The following HOXA7 variants were observed in gnomAD, a reference collection of about 807,000 sequenced individuals.
HOXA7 encodes the protein homeobox A7.
A neutral mutation model predicts 16.8 loss-of-function variants in HOXA7; 16 were observed. The observed-to-expected ratio is 0.95, with a 90% CI of 0.64 to 1.44. The LOEUF (loss-of-function observed/expected upper bound fraction) is 1.44, where lower values mean the gene tolerates loss of function less well. Among genes scored for constraint, HOXA7 ranks in the 40% most tolerant of loss-of-function variants. HOXA7 has a pLI of 0.00. For synonymous variants in HOXA7, 169 were observed against 144.3 expected (o/e 1.17, Z -1.23); for missense variants, 379 against 328.6 (o/e 1.15, Z -1.19).
Position 27,155,057 on chromosome 7 carries a change from C to G in HOXA7, c.545G>C (p.Arg182Pro). 6.2e-7 allele frequency: 1 copy of G among 1,614,224 alleles called. No homozygotes were observed. The highest frequency in any genetic ancestry group is 8.5e-7 in the Non-Finnish European group (1 of 1,180,032). ...CTTATGCTCTTTCTTCCACTTCATG[C>G]GGCGGTTCTGGAACCAGATCTTAAT... ...RQIKIWFQNR[R>P]MKWKKEHKDE... is the part of the protein sequence containing the mutation. Residue 182 changes from arginine to proline, a missense_variant, in exon 2 of 2, where the codon CGC becomes CCC. Physicochemically the swap from Arg to Pro is moderately radical, Grantham distance 103. Coordinates refer to ENST00000242159, the MANE Select transcript of HOXA7 (RefSeq NM_006896.4).
At chr7:27,156,024 G>T (rs539512953) in intron 1 of HOXA7, 143 bp downstream of exon 1, 17 of 958,482 alleles carry the variant, frequency 1.8e-5, no homozygotes, top group African/African-American at 3.5e-5. Flanking sequence ...GAAAGGCTGC[G>T]CCGGGAGTCA....
Position 27,153,879 on chromosome 7 carries a change from TAACTC to T in HOXA7, c.*1025_*1029del, listed in dbSNP as rs1370465609. 29 of 152,832 alleles carry T rather than the reference TAACTC, an allele frequency of 1.9e-4. No homozygotes were observed. The highest frequency in any genetic ancestry group is 6.0e-4 in the African/African-American group (25 of 41,558). 9.5% of individuals were successfully genotyped at this position (152,832 alleles called of 1,614,324 possible). On this transcript the variant is annotated 3_prime_UTR_variant, in exon 2 of 2. Coordinates refer to ENST00000242159, the MANE Select transcript of HOXA7 (RefSeq NM_006896.4). ...ATTGGACCTCCCCACCCACTACAGT[TAACTC>T]AAGACAACATACCATGCTACAAAGT...
chr7:27,155,382 G>A (rs1783088716), intron 1 of HOXA7, 160 bp from the exon 2 acceptor site: 1 of 680,764 alleles, frequency 1.5e-6, no homozygotes, highest in Admixed American at 2.8e-5. Flanking sequence ...AGGAGGGGGA[G>A]TGTTAGGGAA....
At chr7:27,155,523 C>G (rs1279275064) in intron 1 of HOXA7, 5 of 450,858 alleles carry the variant, frequency 1.1e-5, no homozygotes, top group Non-Finnish European at 1.6e-5. Flanking sequence ...CAAAGGAAAA[C>G]TGTAAATATA....
rs753980676 is a variant in HOXA7 at position 27,155,138 on chromosome 7, A to G, written c.464T>C (p.Leu155Pro). 1.2e-6 allele frequency: 2 copies of G among 1,614,254 alleles called. No homozygotes were observed. The highest frequency in any genetic ancestry group is 1.7e-6 in the Non-Finnish European group (2 of 1,180,048). The stretch of plus-strand genomic sequence containing the variant: ...GATTTCAATGCGGCGGCGCCGCGTC[A>G]GGTAGCGGTTGAAGTGGAACTCCTT... ...LEKEFHFNRY[L>P]TRRRRIEIAH... The change falls in exon 2 of 2, where the codon CTG becomes CCG. Residue 155 changes from leucine (L) to proline (P), a missense_variant. Physicochemically the swap from Leu to Pro is moderately conservative, Grantham distance 98. Coordinates refer to ENST00000242159, the MANE Select transcript of HOXA7 (RefSeq NM_006896.4).
chr7:27,156,473 C>G lies in HOXA7; in HGVS notation c.73G>C (p.Glu25Gln), dbSNP rs1284749326. ...TAGASLFQNA[E>Q]PTSCSFAPNS... Reference sequence around the variant, plus strand: ...GGAGCAAAGGAGCAAGAAGTCGGCTCGGCATTTTGGAACAGAGAAGCCCCC... The same window carrying G: ...GGAGCAAAGGAGCAAGAAGTCGGCTGGGCATTTTGGAACAGAGAAGCCCCC... The change falls in exon 1 of 2, where the codon GAG becomes CAG. Residue 25 changes from glutamate (E) to glutamine (Q), a missense_variant. Physicochemically the swap from Glu to Gln is conservative, Grantham distance 29. Transcript: ENST00000242159. 7 of 1,611,692 alleles carry G rather than the reference C, an allele frequency of 4.3e-6. No individual in the cohort carries two copies. The highest frequency in any genetic ancestry group is 5.9e-6 in the Non-Finnish European group (7 of 1,178,486).
chr7:27,154,765 G>A lies in HOXA7; in HGVS notation c.*144C>T, dbSNP rs1783072191. ...AGGTGATGGGGGTGGGTAGAGTGCA[G>A]GTTGGGGACTGGGTTGCTTTTTTGT... On this transcript the variant is annotated 3_prime_UTR_variant, in exon 2 of 2. Transcript: ENST00000242159. 4.0e-6 allele frequency: 5 copies of A among 1,235,746 alleles called. No homozygotes were observed. Among genetic ancestry groups the A allele is most frequent in the Non-Finnish European group, 5.4e-6 (5 of 918,926 alleles). The allele number at this position is 1,235,746 out of a possible 1,614,324, so 76.5% of individuals were successfully genotyped here. A position where few individuals can be genotyped will look rare whatever the true frequency, so the allele number is the denominator to read the frequency against.
intron 1 of HOXA7, 71 bp downstream of exon 1, chr7:27,156,096 G>T: frequency 7.3e-7 from 1 of 1,372,212 alleles, no homozygotes; most frequent in Non-Finnish European, 9.4e-7. Flanking sequence ...CGCGCTCCGC[G>T]CTCCCCAGCG....
intron 1 of HOXA7, 114 bp downstream of exon 1, chr7:27,156,053 A>C (rs1783100170): frequency 7.9e-7 from 1 of 1,272,502 alleles, no homozygotes; most frequent in African/African-American, 1.6e-5. Flanking sequence ...CCGGCTCGCA[A>C]CAGCCTGGCT....
chr7:27,156,566 T>A lies in HOXA7; in HGVS notation c.-21A>T, dbSNP rs1411732278. The A allele has an allele frequency of 6.5e-7, 1 of 1,548,368 alleles. No homozygotes were observed. The highest frequency in any genetic ancestry group is 8.7e-7 in the Non-Finnish European group (1 of 1,144,806). On this transcript the variant is annotated 5_prime_UTR_variant, in exon 1 of 2. Coordinates refer to ENST00000242159, the MANE Select transcript of HOXA7 (RefSeq NM_006896.4). ...CTCATAATTTTGACCTGTGATTTGT[T>A]GTCCGGCAGCTTTCAGTGTCGGTTT...
rs1337197232 is a variant in HOXA7, at chr7:27,156,262, T to G, written c.284A>C (p.Asp95Ala). The G allele has an allele frequency of 2.5e-6, 4 of 1,612,024 alleles. No homozygotes were observed. The highest frequency in any genetic ancestry group is 3.4e-6 in the Non-Finnish European group (4 of 1,179,274). ...YDQNIPGLCS[D>A]LAKGACDKTD... ...CTTGTCGCAGGCGCCTTTGGCGAGG[T>G]CACTGCAGAGCCCGGGGATGTTTTG... Residue 95 changes from aspartate (D) to alanine (A), a missense_variant, in exon 1 of 2, where the codon GAC becomes GCC. Asp to Ala is a moderately radical substitution (Grantham distance 126). Coordinates refer to ENST00000242159, the MANE Select transcript of HOXA7 (RefSeq NM_006896.4).
chr7:27,154,967 G>C lies in HOXA7; in HGVS notation c.635C>G (p.Ala212Gly), dbSNP rs1423826860. 1 of 1,613,368 alleles carries C rather than the reference G, an allele frequency of 6.2e-7. No homozygotes were observed. The highest frequency in any genetic ancestry group is 1.7e-5 in the Admixed American group (1 of 60,000). The part of the protein sequence containing the change: ...GAVPSAAATA[A>G]ADKADEEDDD... ...GTCCTCCTCGTCGGCCTTGTCCGCG[G>C]CAGCAGTGGCGGCGGCAGAGGGCAC... The change falls in exon 2 of 2, where the codon GCC (alanine) becomes GGC (glycine). Residue 212 changes from alanine to glycine, a missense_variant. Physicochemically the swap from Ala to Gly is moderately conservative, Grantham distance 60. Transcript: ENST00000242159.
Position 27,156,513 on chromosome 7 carries a change from A to G in HOXA7, c.33T>C (p.Phe11=). Residue 11 remains phenylalanine, a synonymous_variant, in exon 1 of 2, where the codon TTT becomes TTC. Coordinates refer to ENST00000242159, the MANE Select transcript of HOXA7 (RefSeq NM_006896.4). MSSSYYVNAL[F]SKYTAGASLF... ...GAGAAGCCCCCGCCGTATATTTGCT[A>G]AAAAGCGCGTTCACATAATACGAAG... 6.3e-7 allele frequency: 1 copy of G among 1,586,370 alleles called. No individual in the cohort carries two copies. The highest frequency in any genetic ancestry group is 8.6e-7 in the Non-Finnish European group (1 of 1,164,054).
rs775379516 is a variant in HOXA7 at position 27,156,399 on chromosome 7, C to CGAGGCG, written c.141_146dup (p.Ala48_Ser49dup). On this transcript the variant is annotated inframe_insertion, in exon 1 of 2. Transcript: ENST00000242159. ...TGACATTGTATAAGCCCGGAACGGT[C>CGAGGCG]GAGGCGAAGGCGCCGGCGCCCGCCC... 28 of 1,613,626 alleles carry CGAGGCG rather than the reference C, an allele frequency of 1.7e-5. No individual in the cohort carries two copies. The highest frequency in any genetic ancestry group is 2.1e-5 in the Non-Finnish European group (25 of 1,179,748).
rs1222044457 is a variant in HOXA7 at position 27,156,233 on chromosome 7, C to T, written c.313G>A (p.Asp105Asn). 4 of 1,606,122 alleles carry T rather than the reference C, an allele frequency of 2.5e-6. No individual in the cohort carries two copies. The highest frequency in any genetic ancestry group is 3.4e-6 in the Non-Finnish European group (4 of 1,176,344). Residue 105 changes from aspartate (D) to asparagine (N), a missense_variant, in exon 1 of 2, where the codon GAC (aspartate) becomes AAC (asparagine). Physicochemically the swap from Asp to Asn is conservative, Grantham distance 23 (BLOSUM62 1). Transcript: ENST00000242159. ...DLAKGACDKT[D>N]EGALHGAAEA... ...GCCGCGCCATGCAGCGCGCCCTCGT[C>T]CGTCTTGTCGCAGGCGCCTTTGGCG...
At chr7:27,155,502 G>A in intron 1 of HOXA7, 1 of 492,044 alleles carries the variant, frequency 2.0e-6, no homozygotes, top group Non-Finnish European at 3.6e-6. Context: ...ACAATGTCCT[G>A]CTTCCTCTGA....
Position 27,156,540 on chromosome 7 carries a change from A to C in HOXA7, c.6T>G (p.Ser2Arg). ...AAAGCGCGTTCACATAATACGAAGA[A>C]CTCATAATTTTGACCTGTGATTTGT... is the stretch of plus-strand genomic sequence containing the variant. MSSSYYVNALFS... is the reference protein window; with the variant it reads MRSSYYVNALFS... The change falls in exon 1 of 2, where the codon AGT becomes AGG. Residue 2 changes from serine (S) to arginine (R), a missense_variant. Coordinates refer to ENST00000242159, the MANE Select transcript of HOXA7 (RefSeq NM_006896.4). 6 of 1,571,398 alleles carry C rather than the reference A, an allele frequency of 3.8e-6. No homozygotes were observed. The highest frequency in any genetic ancestry group is 5.2e-6 in the Non-Finnish European group (6 of 1,155,982).
rs1562737167 is a variant in HOXA7, at chr7:27,154,915, C to A, written c.687G>T (p.Glu229Asp). 1 of 1,608,604 alleles carries A rather than the reference C, an allele frequency of 6.2e-7. No homozygotes were observed. The highest frequency in any genetic ancestry group is 2.2e-5 in the East Asian group (1 of 44,744). Residue 229 changes from glutamate (E) to aspartate (D), a missense_variant, in exon 2 of 2, where the codon GAG (glutamate) becomes GAT (aspartate). Coordinates refer to ENST00000242159, the MANE Select transcript of HOXA7 (RefSeq NM_006896.4). ...AGGGCCCCGGATCGGCCCCTCATTC[C>A]TCCTCGTCTTCCTCTTCTTCATCAT... is the stretch of plus-strand genomic sequence containing the variant. ...EDDDEEEEDE[E>D]E
chr7:27,154,950 C>G lies in HOXA7; in HGVS notation c.652G>C (p.Glu218Gln), dbSNP rs565645084. ...TCCTCTTCTTCATCATCGTCCTCCT[C>G]GTCGGCCTTGTCCGCGGCAGCAGTG... ...AATAAADKAD[E>Q]EDDDEEEEDE... Residue 218 changes from glutamate (E) to glutamine (Q), a missense_variant, in exon 2 of 2, where the codon GAG becomes CAG. By Grantham distance (29) the Glu-to-Gln change is conservative (BLOSUM62 2). Transcript: ENST00000242159. 1.1e-5 allele frequency: 18 copies of G among 1,612,986 alleles called. No individual in the cohort carries two copies. The South Asian group carries it at 2.0e-4, about 18-fold the overall frequency.
Sources: gnomAD v4.1 joint callset for allele counts on GRCh38, gnomAD v4.1.1 for gene constraint, MANE v1.5 for transcripts, NCBI Gene and HGNC (gene_info 2026-07-23, HGNC 2026-07-21) for gene names.